Variants in PCDH7 observed in about 807,000 individuals in gnomAD.
PCDH7 encodes protocadherin-7.
In PCDH7, 17 loss-of-function variants were observed where a neutral mutation model predicts 58.9. The ratio of observed to expected loss-of-function variants is 0.29; its 90% CI spans 0.20 to 0.43. PCDH7 has a LOEUF of 0.43. Among genes scored for constraint, PCDH7 ranks in the 20% least tolerant of loss-of-function variants. The probability of loss-of-function intolerance (pLI) is 1.00; values close to 1 mark genes in which losing one functional copy is unlikely to be tolerated. For synonymous variants in PCDH7, 664 were observed against 616.4 expected, an observed-to-expected ratio of 1.08 and a Z score of -1.14; for missense variants, 1,274 against 1,441.0, an observed-to-expected ratio of 0.88 and a Z score of 1.88.
intron 1 of PCDH7, among the ~76,000 whole-genome samples, chr4:30,867,662 G>C (rs1188723793): frequency 6.6e-6 from 1 of 152,036 alleles, no homozygotes; most frequent in African/African-American, 2.4e-5. Context: ...AGAAGGTTTG[G>C]TGATTCACTG....
At chr4:31,091,320 G>A (rs1314883677) in intron 3 of PCDH7, among the ~76,000 whole-genome samples, 2 of 151,698 alleles carry the variant, frequency 1.3e-5, no homozygotes, top group East Asian at 3.9e-4. Flanking sequence ...ACCTGTAAAA[G>A]ATATTAAAAT....
At chr4:30,836,361 C>T (rs1730480201) in intron 1 of PCDH7, among the ~76,000 whole-genome samples, 1 of 152,092 alleles carries the variant, frequency 6.6e-6, no homozygotes, top group Non-Finnish European at 1.5e-5. Context: ...TGCAAGGATC[C>T]ACAGGAGGAA....
intron 1 of PCDH7, among the ~76,000 whole-genome samples, chr4:30,863,092 A>C (rs1028989235): frequency 2.0e-5 from 3 of 152,148 alleles, no homozygotes; most frequent in African/African-American, 7.2e-5. Context: ...AAAGCACTCC[A>C]AATTCGTATG....
intron 3 of PCDH7, among the ~76,000 whole-genome samples, chr4:31,077,389 A>G (rs1759092230): frequency 6.6e-6 from 1 of 150,484 alleles, no homozygotes; most frequent in Non-Finnish European, 1.5e-5. Context: ...AGCCTGGGCA[A>G]CAAGAGCGAA....
chr4:31,126,644 C>T (rs1718345942), intron 3 of PCDH7, among the ~76,000 whole-genome samples: 1 of 152,048 alleles, frequency 6.6e-6, no homozygotes, highest in South Asian at 2.1e-4. Flanking sequence ...ATCTCAATTC[C>T]ACTAGTCCTT....
chr4:31,072,898 C>A (rs772301834), intron 3 of PCDH7, among the ~76,000 whole-genome samples: 1 of 151,928 alleles, frequency 6.6e-6, no homozygotes, highest in East Asian at 1.9e-4. Flanking sequence ...TTCTTTAGTG[C>A]GGAGTATGGA....
chr4:30,919,562 T>C (rs1363450666), intron 1 of PCDH7, among the ~76,000 whole-genome samples: 1 of 152,190 alleles, frequency 6.6e-6, no homozygotes, highest in Non-Finnish European at 1.5e-5. Context: ...TATTGCAATA[T>C]GACTCTTACA....
At chr4:30,771,505 T>C (rs1046164967) in intron 1 of PCDH7, among the ~76,000 whole-genome samples, 1 of 152,170 alleles carries the variant, frequency 6.6e-6, no homozygotes, top group Admixed American at 6.5e-5. Flanking sequence ...GGTTAGAAGT[T>C]GGTCAGTTCT....
intron 1 of PCDH7, among the ~76,000 whole-genome samples, chr4:30,919,938 C>A (rs1381069612): frequency 6.6e-6 from 1 of 152,064 alleles, no homozygotes; most frequent in African/African-American, 2.4e-5. Context: ...ATCTCTGTTT[C>A]TGAAAGGGAA....
chr4:30,796,953 G>T (rs996732807), intron 1 of PCDH7, among the ~76,000 whole-genome samples: 2 of 150,944 alleles, frequency 1.3e-5, no homozygotes, highest in Non-Finnish European at 3.0e-5. Context: ...TTAAGTTGTT[G>T]GCGCTTTTTC....
intron 3 of PCDH7, among the ~76,000 whole-genome samples, chr4:31,062,639 C>T (rs1757778635): frequency 6.6e-6 from 1 of 151,568 alleles, no homozygotes; most frequent in Non-Finnish European, 1.5e-5. Flanking sequence ...TCAATAAAAA[C>T]AATTTCCTTC....
chr4:30,911,529 G>C (rs1741769292), intron 1 of PCDH7, among the ~76,000 whole-genome samples: 1 of 152,068 alleles, frequency 6.6e-6, no homozygotes, highest in Non-Finnish European at 1.5e-5. Flanking sequence ...CAGCAATAAA[G>C]AGCAAAACCT....
intron 3 of PCDH7, among the ~76,000 whole-genome samples, chr4:31,049,338 C>A (rs1191025918): frequency 6.6e-6 from 1 of 152,004 alleles, no homozygotes; most frequent in Non-Finnish European, 1.5e-5. Flanking sequence ...GTAAGTATAA[C>A]CCATTTCTTC....
chr4:30,751,566 CA>C (rs1484643151), intron 1 of PCDH7, among the ~76,000 whole-genome samples: 1 of 151,894 alleles, frequency 6.6e-6, no homozygotes, highest in Non-Finnish European at 1.5e-5. Flanking sequence ...TAATTGGATC[CA>C]AATATTATAT....
chr4:31,057,006 A>G (rs1298847665), intron 3 of PCDH7, among the ~76,000 whole-genome samples: 1 of 152,156 alleles, frequency 6.6e-6, no homozygotes, highest in African/African-American at 2.4e-5. Context: ...ATTTTTAGAA[A>G]ATTTCAGTGT....
intron 3 of PCDH7, among the ~76,000 whole-genome samples, chr4:31,083,065 GC>G (rs1342160736): frequency 6.6e-6 from 1 of 152,046 alleles, no homozygotes; most frequent in African/African-American, 2.4e-5. Flanking sequence ...CGGAGATTGC[GC>G]CACTGCACTC....
chr4:30,927,980 T>TA, intron 2 of PCDH7, among the ~76,000 whole-genome samples: 1 of 152,350 alleles, frequency 6.6e-6, no homozygotes, highest in East Asian at 1.9e-4. Flanking sequence ...GTCTTTTTTT[T>TA]ATTTTTATTT....
intron 3 of PCDH7, among the ~76,000 whole-genome samples, chr4:31,022,911 C>A (rs187491749): frequency 1.3e-3 from 191 of 151,876 alleles, no homozygotes; most frequent in African/African-American, 3.6e-3. Context: ...ATAAAATAGA[C>A]CAACAGTTAA....
chr4:31,065,014 TA>T (rs552927508), intron 3 of PCDH7, among the ~76,000 whole-genome samples: 9 of 151,976 alleles, frequency 5.9e-5, no homozygotes, highest in Non-Finnish European at 1.0e-4. Flanking sequence ...AGATTTTCAG[TA>T]AAAAAGTTAA....
Sources: gnomAD v4.1 joint callset for allele counts (sites outside exome capture counted in the v4.1 genomes callset) on GRCh38, gnomAD v4.1.1 for gene constraint, MANE v1.5 for transcripts, NCBI Gene and HGNC (gene_info 2026-07-23, HGNC 2026-07-21) for gene names.